Variants in ADK observed in about 807,000 individuals in gnomAD.
The protein encoded by ADK is N6,N6-dimethyladenosine kinase.
ADK carries 24 observed loss-of-function variants against 44.7 expected under a neutral mutation model. The observed-to-expected ratio is 0.54, with a 90% CI of 0.39 to 0.76. The LOEUF (loss-of-function observed/expected upper bound fraction) is 0.76, where lower values mean the gene tolerates loss of function less well. Ranked by LOEUF, ADK falls within the 30% of genes least tolerant of loss-of-function variation. The pLI is 0.00. For missense variants in ADK, 321 were observed against 425.1 expected (o/e 0.76, Z 2.15); for synonymous variants, 128 against 142.6 (o/e 0.90, Z 0.73).
chr10:74,552,413 T>C (rs1267109744), intron 7 of ADK, among the ~76,000 whole-genome samples: 2 of 152,170 alleles, frequency 1.3e-5, no homozygotes, highest in East Asian at 3.8e-4. Flanking sequence ...AGGTCTCCTA[T>C]GGTTAAGGCA....
At chr10:74,339,713 T>A (rs1182168832) in intron 4 of ADK, among the ~76,000 whole-genome samples, 1 of 152,208 alleles carries the variant, frequency 6.6e-6, no homozygotes, top group Non-Finnish European at 1.5e-5. Context: ...AAATCTTAAG[T>A]GTGCAAATAA....
intron 1 of ADK, among the ~76,000 whole-genome samples, chr10:74,189,159 G>A (rs1298684011): frequency 1.3e-5 from 2 of 152,100 alleles, no homozygotes; most frequent in Non-Finnish European, 2.9e-5. Context: ...TTTAGCTGCA[G>A]CATACAATTT....
intron 6 of ADK, among the ~76,000 whole-genome samples, chr10:74,510,669 T>C (rs1263012657): frequency 6.6e-6 from 1 of 152,184 alleles, no homozygotes; most frequent in East Asian, 1.9e-4. Flanking sequence ...CACCTGTGTT[T>C]TCTTCTAGGA....
intron 3 of ADK, among the ~76,000 whole-genome samples, chr10:74,280,952 G>GA (rs1846911541): frequency 1.3e-5 from 2 of 152,154 alleles, no homozygotes; most frequent in African/African-American, 2.4e-5. Context: ...ATCAAGTTGA[G>GA]ATATTAAGGG....
intron 2 of ADK, among the ~76,000 whole-genome samples, chr10:74,217,339 G>T (rs866952570): frequency 2.6e-5 from 4 of 152,252 alleles, no homozygotes; most frequent in South Asian, 2.1e-4. Context: ...CATTGCCCAG[G>T]CTTGCTTAGC....
At chr10:74,494,726 G>A (rs1215202948) in intron 6 of ADK, among the ~76,000 whole-genome samples, 2 of 151,920 alleles carry the variant, frequency 1.3e-5, no homozygotes, top group Admixed American at 6.6e-5. Context: ...GCAGTGGCAT[G>A]ATCTCAGCTC....
intron 6 of ADK, among the ~76,000 whole-genome samples, chr10:74,504,409 G>A (rs753735237): frequency 1.3e-5 from 2 of 151,926 alleles, no homozygotes; most frequent in East Asian, 1.9e-4. Context: ...CCCCTCCCCC[G>A]GGTAGTTGAA....
intron 3 of ADK, among the ~76,000 whole-genome samples, chr10:74,270,962 C>A (rs886329123): frequency 6.6e-6 from 1 of 152,118 alleles, no homozygotes; most frequent in Non-Finnish European, 1.5e-5. Context: ...GGAATTATTT[C>A]TCACAACCAA....
At chr10:74,622,868 G>A (rs577429836) in intron 9 of ADK, among the ~76,000 whole-genome samples, 2 of 152,220 alleles carry the variant, frequency 1.3e-5, no homozygotes, top group South Asian at 4.2e-4. Context: ...TAAGCCAGGT[G>A]TGGTGGTGCA....
At chr10:74,621,832 G>T (rs1340359297) in intron 9 of ADK, among the ~76,000 whole-genome samples, 2 of 152,092 alleles carry the variant, frequency 1.3e-5, no homozygotes, top group African/African-American at 2.4e-5. Flanking sequence ...GCCACCTCAA[G>T]GTTGGGTTAT....
At chr10:74,365,643 T>C (rs185861485) in intron 4 of ADK, among the ~76,000 whole-genome samples, 1 of 152,240 alleles carries the variant, frequency 6.6e-6, no homozygotes, top group Non-Finnish European at 1.5e-5. Context: ...TTTAATTTCC[T>C]CTTTTTCAAT....
At chr10:74,432,383 A>G (rs769280536) in intron 6 of ADK, among the ~76,000 whole-genome samples, 1 of 152,158 alleles carries the variant, frequency 6.6e-6, no homozygotes, top group Non-Finnish European at 1.5e-5. Flanking sequence ...TTTCCATGCT[A>G]TTGAGGGATA....
intron 2 of ADK, among the ~76,000 whole-genome samples, chr10:74,220,716 T>G (rs1844271737): frequency 1.3e-5 from 2 of 152,174 alleles, no homozygotes. Flanking sequence ...TGGTTCAACA[T>G]ACGCAAATCA....
chr10:74,679,140 GC>G (rs1158709838), intron 10 of ADK, among the ~76,000 whole-genome samples: 4 of 152,256 alleles, frequency 2.6e-5, no homozygotes, highest in Non-Finnish European at 1.5e-5. Flanking sequence ...AAAGTTCTTA[GC>G]CCTAGCCATT....
At chr10:74,649,944 G>C (rs940758844) in intron 9 of ADK, among the ~76,000 whole-genome samples, 7 of 152,178 alleles carry the variant, frequency 4.6e-5, no homozygotes, top group African/African-American at 7.2e-5. Flanking sequence ...ATTGTGAGGA[G>C]TAGAAGACCC....
chr10:74,282,581 G>T (rs1846983281), intron 3 of ADK, among the ~76,000 whole-genome samples: 1 of 152,158 alleles, frequency 6.6e-6, no homozygotes, highest in Non-Finnish European at 1.5e-5. Context: ...ACTTTAATAA[G>T]AAATTGTTTT....
intron 2 of ADK, among the ~76,000 whole-genome samples, chr10:74,201,187 A>G (rs1286207452): frequency 6.6e-6 from 1 of 152,202 alleles, no homozygotes; most frequent in Non-Finnish European, 1.5e-5. Context: ...TCTACCCCGA[A>G]TGTGCCCAGT....
chr10:74,682,575 C>CTTTT (rs11298231), intron 10 of ADK, among the ~76,000 whole-genome samples: 2 of 133,012 alleles, frequency 1.5e-5, no homozygotes, highest in African/African-American at 2.9e-5. Flanking sequence ...CTTTTCTTTT[C>CTTTT]TTTTTTTTTT....
chr10:74,702,791 G>A (rs1856481741), intron 10 of ADK, among the ~76,000 whole-genome samples: 1 of 151,636 alleles, frequency 6.6e-6, no homozygotes, highest in Non-Finnish European at 1.5e-5. Context: ...TAGAGACGAG[G>A]TTTCACCATG....
Sources: gnomAD v4.1 joint callset for allele counts (sites outside exome capture counted in the v4.1 genomes callset) on GRCh38, gnomAD v4.1.1 for gene constraint, MANE v1.5 for transcripts, NCBI Gene and HGNC (gene_info 2026-07-23, HGNC 2026-07-21) for gene names.